MACROD2: variants seen among roughly 807,000 people sequenced by gnomAD.
MACROD2 encodes the protein mono-ADP ribosylhydrolase 2.
MACROD2 carries 36 observed loss-of-function variants against 70.4 expected under a neutral mutation model. The observed-to-expected ratio is 0.51, with a 90% CI of 0.39 to 0.68. MACROD2 has a LOEUF of 0.68. MACROD2 is among the 30% of genes least tolerant of loss of function. MACROD2 has a pLI of 0.00. For missense variants in MACROD2, 496 were observed against 538.4 expected, an observed-to-expected ratio of 0.92 and a Z score of 0.78; for synonymous variants, 172 against 178.8, an observed-to-expected ratio of 0.96 and a Z score of 0.30.
intron 5 of MACROD2, among the ~76,000 whole-genome samples, chr20:14,711,937 A>G (rs2071343909): frequency 6.6e-6 from 1 of 152,186 alleles, no homozygotes; most frequent in South Asian, 2.1e-4. Context: ...CAGCTTCTTA[A>G]GTGCTGACCA....
chr20:15,451,417 TAAAAAAAAAAAAA>T (rs35308671), intron 7 of MACROD2, among the ~76,000 whole-genome samples: 5 of 83,382 alleles, frequency 6.0e-5, no homozygotes, highest in South Asian at 1.1e-3. Context: ...GGGTGGTAAA[TAAAAAAAAAAAAA>T]AAAAAAAAAA....
At chr20:15,365,758 G>T (rs2146253445) in intron 6 of MACROD2, among the ~76,000 whole-genome samples, 1 of 151,946 alleles carries the variant, frequency 6.6e-6, no homozygotes, top group East Asian at 1.9e-4. Context: ...TTTTAAATTT[G>T]ATTTGATAAA....
rs141077991 is a variant in MACROD2 at position 14,484,946 on chromosome 20, G to A, written c.272-8533G>A. 7.4e-3 allele frequency among the ~76,000 whole-genome samples: 1,131 copies of A among 152,176 alleles called. 6 individuals are homozygous for A. Among genetic ancestry groups the A allele is most frequent in the African/African-American group, 0.024 (1,017 of 41,532 alleles). Reference sequence around the variant, plus strand: ...TGAAATACTGATTTTCTTTCTTTGGGGTATACCTAGGGGTGTGATTGCTAT... The same window carrying A: ...TGAAATACTGATTTTCTTTCTTTGGAGTATACCTAGGGGTGTGATTGCTAT... On this transcript the variant is annotated intron_variant, in intron 3 of 17. Coordinates refer to ENST00000684519, the MANE Select transcript of MACROD2 (RefSeq NM_001351661.2).
At chr20:14,988,658 C>T (rs927906952) in intron 5 of MACROD2, among the ~76,000 whole-genome samples, 1 of 152,138 alleles carries the variant, frequency 6.6e-6, no homozygotes, top group Non-Finnish European at 1.5e-5. Context: ...TGAGAGGTTA[C>T]TCATCAGTAC....
intron 5 of MACROD2, among the ~76,000 whole-genome samples, chr20:15,054,676 T>A (rs776413478): frequency 6.6e-6 from 1 of 152,214 alleles, no homozygotes; most frequent in Non-Finnish European, 1.5e-5. Context: ...GATATGCCTG[T>A]ATTAGGTGCT....
At chr20:15,166,555 G>T (rs771713167) in intron 5 of MACROD2, among the ~76,000 whole-genome samples, 30 of 151,878 alleles carry the variant, frequency 2.0e-4, no homozygotes, top group Non-Finnish European at 2.4e-4. Flanking sequence ...CAGACTGAGA[G>T]ATTTATGCTT....
intron 5 of MACROD2, among the ~76,000 whole-genome samples, chr20:14,739,887 G>T (rs531192966): frequency 6.6e-6 from 1 of 152,042 alleles, no homozygotes; most frequent in Admixed American, 6.6e-5. Context: ...ATGCATTCAT[G>T]GTATGTTAAG....
chr20:15,688,480 C>T (rs2050256394), intron 8 of MACROD2, among the ~76,000 whole-genome samples: 1 of 152,142 alleles, frequency 6.6e-6, no homozygotes, highest in East Asian at 1.9e-4. Flanking sequence ...GATAAGTGAA[C>T]ATGCTTTGAG....
intron 10 of MACROD2, among the ~76,000 whole-genome samples, chr20:15,894,189 T>C (rs2064934455): frequency 1.3e-5 from 2 of 152,230 alleles, no homozygotes; most frequent in African/African-American, 2.4e-5. Flanking sequence ...CTGCACAGTA[T>C]CCCTGTTGAG....
chr20:15,107,739 A>G (rs2075922192), intron 5 of MACROD2, among the ~76,000 whole-genome samples: 1 of 152,162 alleles, frequency 6.6e-6, no homozygotes, highest in African/African-American at 2.4e-5. Flanking sequence ...AAACAGCAGA[A>G]TACATTACTT....
chr20:15,899,406 T>C (rs1334745470), intron 10 of MACROD2, among the ~76,000 whole-genome samples: 4 of 152,162 alleles, frequency 2.6e-5, no homozygotes, highest in Admixed American at 2.6e-4. Context: ...TCAGAAATTA[T>C]CTTGGAGGAG....
intron 8 of MACROD2, among the ~76,000 whole-genome samples, chr20:15,641,001 C>CA (rs1280384739): frequency 6.6e-6 from 1 of 152,196 alleles, no homozygotes; most frequent in Non-Finnish European, 1.5e-5. Flanking sequence ...CCAGTGGGCT[C>CA]AATGCCCTGG....
chr20:15,351,465 C>A (rs1201788022), intron 6 of MACROD2, among the ~76,000 whole-genome samples: 3 of 152,120 alleles, frequency 2.0e-5, no homozygotes, highest in Non-Finnish European at 4.4e-5. Flanking sequence ...TGTGTTGTTA[C>A]ATATCAATTC....
chr20:14,821,582 T>A (rs6135270), intron 5 of MACROD2, among the ~76,000 whole-genome samples: 10,900 of 152,150 alleles, frequency 0.072, 551 homozygotes, highest in East Asian at 0.21. Context: ...GACAATACTT[T>A]CGTAAGCAAA....
chr20:15,191,931 T>TAGAG (rs10638417), intron 5 of MACROD2, among the ~76,000 whole-genome samples: 5,550 of 142,350 alleles, frequency 0.039, 234 homozygotes, highest in East Asian at 0.06. Flanking sequence ...TATATATATA[T>TAGAG]AGAGAGAGAG....
At chr20:14,050,266 A>G (rs373641301) in intron 2 of MACROD2, among the ~76,000 whole-genome samples, 10 of 152,118 alleles carry the variant, frequency 6.6e-5, no homozygotes, top group African/African-American at 2.4e-4. Flanking sequence ...AAAGAGCCTG[A>G]GAACTCTATC....
intron 8 of MACROD2, among the ~76,000 whole-genome samples, chr20:15,532,577 T>C (rs192176959): frequency 6.6e-6 from 1 of 150,822 alleles, no homozygotes; most frequent in East Asian, 1.9e-4. Context: ...TACTCATTGA[T>C]TATAATTTTT....
chr20:15,279,466 G>A (rs1051474307), intron 6 of MACROD2, among the ~76,000 whole-genome samples: 2 of 152,132 alleles, frequency 1.3e-5, no homozygotes, highest in African/African-American at 2.4e-5. Flanking sequence ...GGTCCAAGGT[G>A]CAATTCATTG....
At chr20:14,414,454 A>G (rs1321974019) in intron 3 of MACROD2, among the ~76,000 whole-genome samples, 1 of 152,146 alleles carries the variant, frequency 6.6e-6, no homozygotes, top group Non-Finnish European at 1.5e-5. Context: ...CCAAGGCACC[A>G]TCATTTCTTG....
Sources: gnomAD v4.1 joint callset for allele counts (sites outside exome capture counted in the v4.1 genomes callset) on GRCh38, gnomAD v4.1.1 for gene constraint, MANE v1.5 for transcripts, NCBI Gene and HGNC (gene_info 2026-07-23, HGNC 2026-07-21) for gene names.